FREM1: variants seen among roughly 807,000 people sequenced by gnomAD.
The protein encoded by FREM1 is FRAS1-related extracellular matrix protein 1.
FREM1 carries 220 observed loss-of-function variants against 210.1 expected under a neutral mutation model. That is an observed-to-expected ratio of 1.05 (90% CI 0.94 to 1.17). The LOEUF is 1.17. Among genes scored for constraint, FREM1 ranks in the 50% most tolerant of loss-of-function variants. The pLI, the probability that FREM1 is intolerant of heterozygous loss-of-function variation, is 0.00. For synonymous variants in FREM1, 1,189 were observed against 980.2 expected, an observed-to-expected ratio of 1.21 and a Z score of -3.98; for missense variants, 3,454 against 2,675.5, an observed-to-expected ratio of 1.29 and a Z score of -6.42.
chr9:14,866,910 A>G (rs1325748944), intron 2 of FREM1, among the ~76,000 whole-genome samples: 1 of 151,484 alleles, frequency 6.6e-6, no homozygotes, highest in Non-Finnish European at 1.5e-5. Flanking sequence ...CCCAGGCTGG[A>G]GTGTAGTGGC....
chr9:14,881,869 G>A (rs539407002), intron 1 of FREM1, among the ~76,000 whole-genome samples: 23 of 152,310 alleles, frequency 1.5e-4, no homozygotes, highest in African/African-American at 5.3e-4. Context: ...TTAAGAGGTA[G>A]TTACGGTGTG....
chr9:14,889,079 T>TA (rs1307778408), intron 1 of FREM1, among the ~76,000 whole-genome samples: 1 of 152,244 alleles, frequency 6.6e-6, no homozygotes, highest in Non-Finnish European at 1.5e-5. Flanking sequence ...ATAGTTGCTA[T>TA]AATCATCTCA....
chr9:14,810,853 T>A (rs981943130), intron 16 of FREM1, among the ~76,000 whole-genome samples: 1 of 152,230 alleles, frequency 6.6e-6, no homozygotes, highest in East Asian at 1.9e-4. Flanking sequence ...CTTTTAGATA[T>A]GTAATAAGGT....
intron 10 of FREM1, among the ~76,000 whole-genome samples, chr9:14,831,277 C>T (rs1823511070): frequency 6.6e-6 from 1 of 152,176 alleles, no homozygotes; most frequent in Non-Finnish European, 1.5e-5. Flanking sequence ...TCCGCAGCCT[C>T]TTACTCTTTC....
At chr9:14,868,256 C>T (rs1021811866) in intron 2 of FREM1, among the ~76,000 whole-genome samples, 50 of 152,106 alleles carry the variant, frequency 3.3e-4, no homozygotes, top group African/African-American at 1.2e-3. Context: ...TGTGATAACT[C>T]GGGGCAGGAA....
At position 14,879,331 on chromosome 9, in the gene FREM1, T is replaced by G. The variant is rs56016569; in HGVS notation, c.-267-10087A>C. Among the ~76,000 whole-genome samples, 1,237 of 151,924 alleles carry G rather than the reference T, an allele frequency of 8.1e-3. 16 individuals are homozygous for G. The highest frequency in any genetic ancestry group is 0.029 in the African/African-American group (1,194 of 41,354). Reference sequence around the variant, plus strand: ...ACTGAGGTTGAGGAGGTTGAGATTCTTGACTCTGGAAAATGCCACACCATG... The same window carrying G: ...ACTGAGGTTGAGGAGGTTGAGATTCGTGACTCTGGAAAATGCCACACCATG... On this transcript the variant is annotated intron_variant, in intron 1 of 36. Coordinates refer to ENST00000380880, the MANE Select transcript of FREM1 (RefSeq NM_001379081.2).
chr9:14,850,472 GAGA>G (rs1303618638), intron 6 of FREM1: 3 of 152,168 alleles, frequency 2.0e-5, no homozygotes, highest in Non-Finnish European at 4.4e-5. Context: ...GAATGCTACA[GAGA>G]AGATTAGCAT....
intron 7 of FREM1, among the ~76,000 whole-genome samples, chr9:14,847,088 A>T (rs1826779893): frequency 6.6e-6 from 1 of 152,206 alleles, no homozygotes; most frequent in Non-Finnish European, 1.5e-5. Flanking sequence ...CAGCCAGTGA[A>T]GTAAACTTTA....
At chr9:14,828,832 G>C (rs548947143) in intron 10 of FREM1, among the ~76,000 whole-genome samples, 1 of 152,094 alleles carries the variant, frequency 6.6e-6, no homozygotes, top group Non-Finnish European at 1.5e-5. Flanking sequence ...CTCTCTCCCA[G>C]ACTGAAAGTT....
intron 3 of FREM1, among the ~76,000 whole-genome samples, chr9:14,861,260 C>CACATATACACATATAT (rs1391116332): frequency 1.2e-5 from 1 of 85,422 alleles, no homozygotes; most frequent in African/African-American, 9.0e-5. Context: ...TACATATATA[C>CACATATACACATATAT]ACATATACAC....
intron 24 of FREM1, among the ~76,000 whole-genome samples, chr9:14,781,846 G>C (rs769788290): frequency 2.6e-5 from 4 of 152,176 alleles, no homozygotes; most frequent in African/African-American, 9.7e-5. Context: ...TAGGATTACA[G>C]GTGCCCGCCA....
chr9:14,739,535 A>G (rs1332102591), intron 36 of FREM1, among the ~76,000 whole-genome samples: 2 of 146,046 alleles, frequency 1.4e-5, no homozygotes, highest in East Asian at 1.9e-4. Flanking sequence ...ATATGTAAAT[A>G]TTATATATAT....
chr9:14,773,809 T>C (rs1274304458), intron 25 of FREM1, among the ~76,000 whole-genome samples: 1 of 152,164 alleles, frequency 6.6e-6, no homozygotes, highest in East Asian at 1.9e-4. Context: ...CTCCATCCTC[T>C]TTTCCATCTG....
At chr9:14,864,678 C>A (rs1831190167) in intron 2 of FREM1, among the ~76,000 whole-genome samples, 1 of 152,194 alleles carries the variant, frequency 6.6e-6, no homozygotes, top group South Asian at 2.1e-4. Context: ...ATATCATGCC[C>A]TTCATTCTGC....
At chr9:14,767,685 G>A (rs1563873549) in intron 27 of FREM1, among the ~76,000 whole-genome samples, 1 of 152,126 alleles carries the variant, frequency 6.6e-6, no homozygotes. Flanking sequence ...CTGGAAAATT[G>A]TGCACCTAGT....
intron 1 of FREM1, among the ~76,000 whole-genome samples, chr9:14,898,945 T>G (rs1396095456): frequency 3.9e-5 from 6 of 152,206 alleles, no homozygotes; most frequent in Admixed American, 2.0e-4. Flanking sequence ...TCTATAAACC[T>G]AAAACATCAC....
intron 3 of FREM1, among the ~76,000 whole-genome samples, chr9:14,862,514 T>A (rs1830769231): frequency 6.6e-6 from 1 of 152,196 alleles, no homozygotes; most frequent in African/African-American, 2.4e-5. Flanking sequence ...TGGGATATAA[T>A]TCATATACCA....
At position 14,823,285 on chromosome 9, in the gene FREM1, G is replaced by A. The variant is rs182946445; in HGVS notation, c.2212C>T (p.Gln738Ter). Residue 738 changes from glutamine (Q) to a stop codon, truncating the protein, a stop_gained, in exon 13 of 37, where the codon CAA becomes TAA. Transcript: ENST00000380880. LOFTEE classifies it high-confidence loss of function. ...TCTCTGCAATGGGGACCAATGTCTT[G>A]CATGGGGGGCATGTAGGCCACTTTC... ...YMKVAYMPPM[Q>*]DIGPHCRDVQ... The A allele has an allele frequency of 1.2e-6, 2 of 1,613,830 alleles. No individual in the cohort carries two copies. Among genetic ancestry groups the A allele is most frequent in the African/African-American group, 2.7e-5 (2 of 74,936 alleles).
chr9:14,882,293 A>G (rs997950123), intron 1 of FREM1, among the ~76,000 whole-genome samples: 6 of 152,212 alleles, frequency 3.9e-5, no homozygotes, highest in Middle Eastern at 3.4e-3. Context: ...TAACTGAGAG[A>G]TAAGGTCAAA....
Sources: gnomAD v4.1 joint callset for allele counts (sites outside exome capture counted in the v4.1 genomes callset) on GRCh38, gnomAD v4.1.1 for gene constraint, MANE v1.5 for transcripts, NCBI Gene and HGNC (gene_info 2026-07-23, HGNC 2026-07-21) for gene names.